DACH2: variants seen among roughly 807,000 people sequenced by gnomAD.
The protein encoded by DACH2 is dachshund family transcription factor 2.
Under a neutral mutation model 35.8 loss-of-function variants are expected in DACH2, and 17 were observed. The observed-to-expected ratio is 0.48, with a 90% CI of 0.33 to 0.71. DACH2 has a LOEUF of 0.71. DACH2 is among the 30% of genes least tolerant of loss of function. The pLI is 0.02. For missense variants in DACH2, 469 were observed against 472.7 expected, an observed-to-expected ratio of 0.99 and a Z score of 0.07; for synonymous variants, 195 against 177.3, an observed-to-expected ratio of 1.10 and a Z score of -0.79.
At chrX:86,798,004 C>A (rs2147332136) in intron 7 of DACH2, among the ~76,000 whole-genome samples, 1 of 112,311 alleles carries the variant, frequency 8.9e-6, no homozygotes, top group South Asian at 3.7e-4. Context: ...CCACTGCCAG[C>A]AATAGATGTA....
At chrX:86,473,922 T>G (rs963803473) in intron 2 of DACH2, among the ~76,000 whole-genome samples, 3 of 111,680 alleles carry the variant, frequency 2.7e-5, no homozygotes, top group Non-Finnish European at 5.7e-5. Flanking sequence ...CTATTTTTCA[T>G]TTTTTGAGGA....
chrX:86,762,911 T>C lies in DACH2; in HGVS notation c.1240+23029T>C, dbSNP rs769200402. Reference sequence around the variant, plus strand: ...CTATCAAATAGTAGGTCTTATTCCTTCTATTTTTTGTACGCATTAACCATC... The same window carrying C: ...CTATCAAATAGTAGGTCTTATTCCTCCTATTTTTTGTACGCATTAACCATC... On this transcript the variant is annotated intron_variant, in intron 7 of 11. Coordinates refer to ENST00000373125, the MANE Select transcript of DACH2 (RefSeq NM_053281.3). 3.6e-5 allele frequency among the ~76,000 whole-genome samples: 4 copies of C among 111,916 alleles called. No homozygotes were observed. In the Admixed American group the frequency reaches 3.8e-4, roughly 11 times the overall value.
chrX:86,316,382 C>T (rs746053798), intron 1 of DACH2, among the ~76,000 whole-genome samples: 46 of 110,621 alleles, frequency 4.2e-4, no homozygotes, highest in African/African-American at 1.4e-3. Flanking sequence ...CCACTCCTTC[C>T]GTGCCTGAGT....
At chrX:86,225,806 G>A (rs1286537484) in intron 1 of DACH2, among the ~76,000 whole-genome samples, 3 of 110,973 alleles carry the variant, frequency 2.7e-5, no homozygotes, top group Non-Finnish European at 5.7e-5. Context: ...TTCTTTGAAG[G>A]CACAATAGCC....
At chrX:86,480,489 A>C (rs2037920718) in intron 2 of DACH2, among the ~76,000 whole-genome samples, 1 of 111,472 alleles carries the variant, frequency 9.0e-6, no homozygotes, top group African/African-American at 3.3e-5. Context: ...ACCTATGTCC[A>C]CTCAAGAACC....
At chrX:86,583,387 G>A (rs1314716617) in intron 3 of DACH2, among the ~76,000 whole-genome samples, 4 of 110,354 alleles carry the variant, frequency 3.6e-5, no homozygotes, top group Non-Finnish European at 7.6e-5. Flanking sequence ...AAAAAAAATT[G>A]AAAGGCATCG....
intron 4 of DACH2, among the ~76,000 whole-genome samples, chrX:86,673,586 A>G (rs776155000): frequency 5.4e-5 from 6 of 110,979 alleles, no homozygotes; most frequent in Non-Finnish European, 7.5e-5. Flanking sequence ...GAGACTTTGG[A>G]CTGTGGAATT....
At chrX:86,688,273 C>A (rs756085765) in intron 4 of DACH2, among the ~76,000 whole-genome samples, 1 of 111,622 alleles carries the variant, frequency 9.0e-6, no homozygotes, top group South Asian at 3.7e-4. Context: ...GATACTCCAT[C>A]TTCTTTATTT....
intron 7 of DACH2, among the ~76,000 whole-genome samples, chrX:86,770,413 T>A (rs1195647744): frequency 8.9e-6 from 1 of 111,911 alleles, no homozygotes. Context: ...GCAATTTATT[T>A]GACTTCCCTC....
At chrX:86,705,169 C>T (rs933865215) in intron 5 of DACH2, among the ~76,000 whole-genome samples, 27 of 106,191 alleles carry the variant, frequency 2.5e-4, no homozygotes, top group Non-Finnish European at 4.4e-4. Context: ...GGAGATTATT[C>T]TTCTAAGTGA....
intron 1 of DACH2, among the ~76,000 whole-genome samples, chrX:86,276,521 A>G (rs1014499546): frequency 9.0e-6 from 1 of 111,289 alleles, no homozygotes; most frequent in Middle Eastern, 4.3e-3. Context: ...GCTGTGTGGA[A>G]GCTTTTTAAC....
At chrX:86,613,429 A>G (rs368813235) in intron 3 of DACH2, among the ~76,000 whole-genome samples, 2 of 111,616 alleles carry the variant, frequency 1.8e-5, no homozygotes, top group South Asian at 3.7e-4. Context: ...TATATTAAAA[A>G]AAACTTTATT....
intron 1 of DACH2, among the ~76,000 whole-genome samples, chrX:86,306,300 T>G (rs1281085600): frequency 8.9e-6 from 1 of 112,111 alleles, no homozygotes; most frequent in African/African-American, 3.2e-5. Flanking sequence ...TGCAGCAACA[T>G]GGATAAACCT....
chrX:86,438,336 G>C (rs779846653), intron 2 of DACH2, among the ~76,000 whole-genome samples: 1 of 103,652 alleles, frequency 9.6e-6, no homozygotes, highest in African/African-American at 3.6e-5. Context: ...TGATTCTGTT[G>C]CCTCTGCCTC....
chrX:86,277,235 A>AT (rs1179126714), intron 1 of DACH2, among the ~76,000 whole-genome samples: 5 of 110,532 alleles, frequency 4.5e-5, no homozygotes, highest in East Asian at 2.8e-4. Flanking sequence ...TATTATAGAG[A>AT]TTTTTTACTT....
chrX:86,205,469 CTT>C lies in DACH2; in HGVS notation c.488+56362_488+56363del, dbSNP rs1295570440. ...CCCTCCCTCCCTCCCTCCCTCCCTC[CTT>C]CCCTCCTTCCCTCCTTCCCTCCTTC... On this transcript the variant is annotated intron_variant, in intron 1 of 11. Transcript: ENST00000373125. Among the ~76,000 whole-genome samples, 195 of 45,247 alleles carry C rather than the reference CTT, an allele frequency of 4.3e-3. 5 individuals carry two copies. The highest frequency in any genetic ancestry group is 0.032 in the African/African-American group (183 of 5,711). The allele number at this position is 45,247 out of a possible 115,157, so 39.3% of individuals were successfully genotyped here.
At chrX:86,703,760 G>A (rs1183059594) in intron 5 of DACH2, among the ~76,000 whole-genome samples, 4 of 111,146 alleles carry the variant, frequency 3.6e-5, no homozygotes, top group African/African-American at 6.5e-5. Flanking sequence ...CCAATGAGTC[G>A]AAAGATCTCT....
At chrX:86,648,548 T>C (rs971993692) in intron 3 of DACH2, among the ~76,000 whole-genome samples, 2 of 111,112 alleles carry the variant, frequency 1.8e-5, no homozygotes, top group African/African-American at 6.5e-5. Context: ...TCTTTTCCAC[T>C]GCTTTCCTAT....
At chrX:86,613,171 C>T (rs1411844404) in intron 3 of DACH2, among the ~76,000 whole-genome samples, 8 of 111,343 alleles carry the variant, frequency 7.2e-5, no homozygotes, top group African/African-American at 9.8e-5. Context: ...ACTCTCCCAC[C>T]TATAATTATC....
Sources: gnomAD v4.1 joint callset for allele counts (sites outside exome capture counted in the v4.1 genomes callset) on GRCh38, gnomAD v4.1.1 for gene constraint, MANE v1.5 for transcripts, NCBI Gene and HGNC (gene_info 2026-07-23, HGNC 2026-07-21) for gene names.